Variants in PDE3A observed in about 807,000 individuals in gnomAD.
PDE3A encodes the protein phosphodiesterase 3A.
Under a neutral mutation model 98.3 loss-of-function variants are expected in PDE3A, and 43 were observed. The observed-to-expected ratio is 0.44, with a 90% CI of 0.34 to 0.56. PDE3A has a LOEUF of 0.56. Among genes scored for constraint, PDE3A ranks in the 20% least tolerant of loss-of-function variants. PDE3A has a pLI of 0.01. For missense variants in PDE3A, 1,427 were observed against 1,440.7 expected (o/e 0.99, Z 0.15); for synonymous variants, 663 against 567.9 (o/e 1.17, Z -2.38).
intron 2 of PDE3A, among the ~76,000 whole-genome samples, chr12:20,562,678 G>T (rs1815469295): frequency 6.6e-6 from 1 of 152,004 alleles, no homozygotes; most frequent in South Asian, 2.1e-4. Context: ...GAACCCTCAG[G>T]CCTTTATTTA....
chr12:20,653,825 A>C, intron 14 of PDE3A, 122 bp from the exon 15 acceptor site: 2 of 990,988 alleles, frequency 2.0e-6, no homozygotes, highest in Non-Finnish European at 3.0e-6. Context: ...GAACCTTAGC[A>C]CTTGAGGTAG....
intron 2 of PDE3A, among the ~76,000 whole-genome samples, chr12:20,578,136 A>G (rs1243021813): frequency 2.6e-5 from 4 of 152,178 alleles, no homozygotes; most frequent in African/African-American, 9.7e-5. Flanking sequence ...CACTATTCCA[A>G]AAGAGTACAA....
chr12:20,635,612 G>A (rs1220252410), intron 8 of PDE3A, among the ~76,000 whole-genome samples: 1 of 150,730 alleles, frequency 6.6e-6, no homozygotes, highest in Non-Finnish European at 1.5e-5. Flanking sequence ...AATTACCCAG[G>A]CATGGTGGCA....
intron 14 of PDE3A, among the ~76,000 whole-genome samples, chr12:20,651,658 A>C (rs905026449): frequency 3.3e-5 from 5 of 152,222 alleles, no homozygotes; most frequent in Non-Finnish European, 5.9e-5. Context: ...AAATAGGCTG[A>C]GACACCATAT....
intron 1 of PDE3A, 165 bp downstream of exon 1, chr12:20,370,409 G>GTTTT: frequency 3.4e-6 from 1 of 297,132 alleles, no homozygotes. Flanking sequence ...TGTTTTTTTT[G>GTTTT]TTTTTTTTTT....
rs959340801 is a variant in PDE3A, at chr12:20,510,064, A to T, written c.961-46596A>T. On this transcript the variant is annotated intron_variant, in intron 1 of 15. Coordinates refer to ENST00000359062, the MANE Select transcript of PDE3A (RefSeq NM_000921.5). ...TATAGTTTTCAAATGGAAATTTTTAATCATTTTATGGTAGACATTATTTCA... is the reference window on the plus strand; with the variant it reads ...TATAGTTTTCAAATGGAAATTTTTATTCATTTTATGGTAGACATTATTTCA... Among the ~76,000 whole-genome samples, 13 of 152,124 alleles carry T rather than the reference A, an allele frequency of 8.5e-5. No individual in the cohort carries two copies. The East Asian group carries it at 2.3e-3, about 27-fold the overall frequency.
intron 2 of PDE3A, among the ~76,000 whole-genome samples, chr12:20,605,109 A>T (rs960842369): frequency 2.0e-5 from 3 of 152,188 alleles, no homozygotes; most frequent in Non-Finnish European, 4.4e-5. Flanking sequence ...TTTTCAAGGG[A>T]ACAATTCCAT....
chr12:20,411,545 C>T (rs74610795), intron 1 of PDE3A, among the ~76,000 whole-genome samples: 6 of 151,720 alleles, frequency 4.0e-5, no homozygotes, highest in South Asian at 2.1e-4. Context: ...TTTATGCTGT[C>T]GCTGACAACT....
At chr12:20,550,633 A>G (rs1280933303) in intron 1 of PDE3A, among the ~76,000 whole-genome samples, 1 of 152,130 alleles carries the variant, frequency 6.6e-6, no homozygotes, top group Admixed American at 6.5e-5. Context: ...TATAATGATT[A>G]TCTGGGTCAG....
chr12:20,475,322 T>A (rs970833356), intron 1 of PDE3A, among the ~76,000 whole-genome samples: 4 of 152,050 alleles, frequency 2.6e-5, no homozygotes, highest in African/African-American at 2.4e-5. Flanking sequence ...AGCTCACACT[T>A]GCTTTTTCAT....
intron 2 of PDE3A, among the ~76,000 whole-genome samples, chr12:20,564,533 G>C (rs914261935): frequency 6.6e-6 from 1 of 152,044 alleles, no homozygotes; most frequent in Non-Finnish European, 1.5e-5. Flanking sequence ...GCTAGGTTAG[G>C]GGGGAATGTA....
At chr12:20,401,446 A>G (rs1297629005) in intron 1 of PDE3A, among the ~76,000 whole-genome samples, 1 of 144,438 alleles carries the variant, frequency 6.9e-6, no homozygotes, top group African/African-American at 2.4e-5. Context: ...ACATTCAGTC[A>G]TTTTAAACTG....
Position 20,552,478 on chromosome 12 carries a change from A to C in PDE3A, c.961-4182A>C. Reference sequence around the variant, plus strand: ...AGAAGGCTACCTGGAAGCCCTGGCCAACCGAGAGCGAGAGAAGGAGAACAG... The same window carrying C: ...AGAAGGCTACCTGGAAGCCCTGGCCCACCGAGAGCGAGAGAAGGAGAACAG... On this transcript the variant is annotated intron_variant, in intron 1 of 15. Coordinates refer to ENST00000359062, the MANE Select transcript of PDE3A (RefSeq NM_000921.5). The surrounding 1 kb of genome is among the most constrained non-coding windows in gnomAD (Gnocchi z 5.1). 1.2e-6 allele frequency: 2 copies of C among 1,612,886 alleles called. No homozygotes were observed. Among genetic ancestry groups the C allele is most frequent in the Non-Finnish European group, 1.7e-6 (2 of 1,179,654 alleles).
At chr12:20,574,683 A>T (rs1291411878) in intron 2 of PDE3A, among the ~76,000 whole-genome samples, 1 of 152,032 alleles carries the variant, frequency 6.6e-6, no homozygotes, top group African/African-American at 2.4e-5. Context: ...CAGCATGATG[A>T]GCCCAGGCCT....
rs1944822414 is a variant in PDE3A at position 20,648,238 on chromosome 12, C to T, written c.2566-450C>T. Among the ~76,000 whole-genome samples the T allele has an allele frequency of 1.3e-5, 2 of 150,972 alleles. 1 individual carries two copies. The highest frequency in any genetic ancestry group is 1.3e-4 in the Admixed American group (2 of 15,114). ...GCTTATGCCAGATAGAGAAAGTAAC[C>T]TAGTTACCTCTTGAGGTATTGTGGC... On this transcript the variant is annotated intron_variant, in intron 12 of 15. Transcript: ENST00000359062.
intron 1 of PDE3A, among the ~76,000 whole-genome samples, chr12:20,476,146 GT>G (rs1267298850): frequency 6.6e-6 from 1 of 152,086 alleles, no homozygotes; most frequent in Non-Finnish European, 1.5e-5. Flanking sequence ...GAAAGATTTT[GT>G]TCTTGCTTTT....
intron 1 of PDE3A, among the ~76,000 whole-genome samples, chr12:20,392,685 T>G (rs1029369179): frequency 6.6e-6 from 1 of 152,060 alleles, no homozygotes; most frequent in African/African-American, 2.4e-5. Context: ...CTCCCATGTT[T>G]ATTGTAGCAC....
At chr12:20,515,614 C>T (rs1367364889) in intron 1 of PDE3A, among the ~76,000 whole-genome samples, 2 of 152,194 alleles carry the variant, frequency 1.3e-5, no homozygotes, top group Non-Finnish European at 2.9e-5. Flanking sequence ...TTCCACTGGA[C>T]ACGTGGAGTA....
chr12:20,619,513 C>G (rs1204631704), intron 4 of PDE3A, among the ~76,000 whole-genome samples: 1 of 152,006 alleles, frequency 6.6e-6, no homozygotes, highest in East Asian at 1.9e-4. Context: ...ATATACATTA[C>G]ATAATATTTC....
Sources: allele counts gnomAD v4.1 joint callset (sites outside exome capture counted in the v4.1 genomes callset), GRCh38; gene constraint gnomAD v4.1.1; non-coding constraint Gnocchi (gnomAD v3.1); transcripts MANE v1.5; gene names NCBI Gene and HGNC (gene_info 2026-07-23, HGNC 2026-07-21).